The following HPCAL1 variants were observed in gnomAD, a reference collection of about 807,000 sequenced individuals.
The protein encoded by HPCAL1 is hippocalcin-like protein 1.
A neutral mutation model predicts 17.1 loss-of-function variants in HPCAL1; 8 were observed. The observed-to-expected ratio is 0.47, with a 90% confidence interval of 0.27 to 0.84. The LOEUF (loss-of-function observed/expected upper bound fraction) is 0.84. Ranked by LOEUF, HPCAL1 falls within the 40% of genes least tolerant of loss-of-function variation. The pLI is 0.13. For missense variants in HPCAL1, 165 were observed against 271.1 expected, an observed-to-expected ratio of 0.61 and a Z score of 2.75; for synonymous variants, 112 against 111.4, an observed-to-expected ratio of 1.01 and a Z score of -0.03.
At chr2:10,328,845 G>C (rs184275930) in intron 1 of HPCAL1, among the ~76,000 whole-genome samples, 1 of 151,896 alleles carries the variant, frequency 6.6e-6, no homozygotes, top group East Asian at 1.9e-4. Flanking sequence ...TTCGACATGT[G>C]GGGGGTTGCT....
rs1353255608 is a variant in HPCAL1 at position 10,362,528 on chromosome 2, G to A, written c.-110-34307G>A. Among the ~76,000 whole-genome samples, 1 of 152,216 alleles carries A rather than the reference G, an allele frequency of 6.6e-6. No homozygotes were observed. The highest frequency in any genetic ancestry group is 1.5e-5 in the Non-Finnish European group (1 of 68,038). On this transcript the variant is annotated intron_variant, in intron 1 of 4. Coordinates refer to ENST00000307845, the MANE Select transcript of HPCAL1 (RefSeq NM_002149.4). The surrounding 1 kb of genome is among the most constrained non-coding windows in gnomAD (Gnocchi z 5.0). ...GAACATGTCTGCTTCTTTCCTTCAG[G>A]AAAGGAAAGGTGAGCTGGGCGATGG... is the stretch of plus-strand genomic sequence containing the variant.
intron 1 of HPCAL1, among the ~76,000 whole-genome samples, chr2:10,389,229 T>C (rs1051445991): frequency 6.6e-6 from 1 of 152,194 alleles, no homozygotes; most frequent in East Asian, 1.9e-4. Context: ...TTCTGCATAA[T>C]CCACCCCCTA....
At position 10,357,923 on chromosome 2, in the gene HPCAL1, CT is replaced by C. The variant is rs548513372; in HGVS notation, c.-110-38908del. Among the ~76,000 whole-genome samples the C allele has an allele frequency of 1.4e-4, 22 of 152,330 alleles. No individual in the cohort carries two copies. In the South Asian group the frequency reaches 4.1e-3, roughly 29 times the overall value. On this transcript the variant is annotated intron_variant, in intron 1 of 4. Transcript: ENST00000307845. ...CCACACCTGGCCTACCCCCAGTCAC[CT>C]TTTACCCAGGGATCCCCTGAGGAAA...
chr2:10,372,095 G>A (rs1053620324), intron 1 of HPCAL1, among the ~76,000 whole-genome samples: 1 of 152,236 alleles, frequency 6.6e-6, no homozygotes, highest in African/African-American at 2.4e-5. Flanking sequence ...TACACGTTGG[G>A]TGCACAGTGA....
intron 2 of HPCAL1, among the ~76,000 whole-genome samples, chr2:10,399,549 GCCACCACTACCGCCACCGCCACCA>G (rs1306261662): frequency 4.9e-5 from 2 of 41,166 alleles, no homozygotes; most frequent in East Asian, 6.9e-4. Flanking sequence ...CACCATCACC[GCCACCACTACCGCCACCGCCACCA>G]CCACCGCCAC....
chr2:10,412,629 G>C (rs1182773057), intron 2 of HPCAL1, among the ~76,000 whole-genome samples: 1 of 152,220 alleles, frequency 6.6e-6, no homozygotes, highest in Non-Finnish European at 1.5e-5. Context: ...ATGTAGTCCG[G>C]CTGTGTGCCC....
intron 1 of HPCAL1, among the ~76,000 whole-genome samples, chr2:10,308,374 A>G (rs900429608): frequency 1.3e-5 from 2 of 152,148 alleles, no homozygotes; most frequent in African/African-American, 2.4e-5. Flanking sequence ...CCAGTTTTGG[A>G]ACATATCCAT....
At chr2:10,369,337 G>A (rs1261345736) in intron 1 of HPCAL1, 2 of 152,238 alleles carry the variant, frequency 1.3e-5, no homozygotes, top group Non-Finnish European at 2.9e-5. Context: ...CGGCCATCAT[G>A]GCTAGTTAGG....
intron 1 of HPCAL1, among the ~76,000 whole-genome samples, chr2:10,373,828 AC>A (rs1667380255): frequency 1.3e-5 from 2 of 152,236 alleles, no homozygotes; most frequent in South Asian, 4.1e-4. Context: ...GGACCTGTCC[AC>A]TTTAGCCCCA....
chr2:10,390,618 A>T (rs1668628051), intron 1 of HPCAL1, among the ~76,000 whole-genome samples: 1 of 152,130 alleles, frequency 6.6e-6, no homozygotes, highest in Non-Finnish European at 1.5e-5. Flanking sequence ...GCTATGAGCA[A>T]GCAGGAGAGG....
intron 1 of HPCAL1, among the ~76,000 whole-genome samples, chr2:10,396,573 C>A (rs74748474): frequency 2.0e-5 from 3 of 152,220 alleles, no homozygotes; most frequent in African/African-American, 4.8e-5. Flanking sequence ...CAACCTCACT[C>A]GAAGGGTGGC....
intron 1 of HPCAL1, among the ~76,000 whole-genome samples, chr2:10,360,704 G>A (rs553911564): frequency 2.0e-5 from 3 of 152,240 alleles, no homozygotes; most frequent in Admixed American, 1.3e-4. Flanking sequence ...ATGCCGCCCG[G>A]CCTTACCTGA....
Position 10,424,190 on chromosome 2 carries a change from C to T in HPCAL1, c.484+1102C>T, listed in dbSNP as rs906586016. Reference sequence around the variant, plus strand: ...TCTGCGAAGTCTGGAGTGCAGCCCTCGGGTGAGTTAAGCATGGCCCCAGCG... The same window carrying T: ...TCTGCGAAGTCTGGAGTGCAGCCCTTGGGTGAGTTAAGCATGGCCCCAGCG... On this transcript the variant is annotated intron_variant, in intron 4 of 4. Coordinates refer to ENST00000307845, the MANE Select transcript of HPCAL1 (RefSeq NM_002149.4). The T allele has an allele frequency of 3.3e-5, 10 of 304,614 alleles. No homozygotes were observed. The East Asian group carries it at 3.4e-4, about 10-fold the overall frequency. 18.9% of individuals were successfully genotyped at this position (304,614 alleles called of 1,614,324 possible).
In HPCAL1 at chr2:10,423,134, G is replaced by A. The variant is rs760937158; in HGVS notation, c.484+46G>A. On this transcript the variant is annotated intron_variant, in intron 4 of 4. Transcript: ENST00000307845. ...GGCTGCATGTGTACGCCACGGTAGGGGCAAAACCATGTGGTTTGGGGCACC... is the reference window on the plus strand; with the variant it reads ...GGCTGCATGTGTACGCCACGGTAGGAGCAAAACCATGTGGTTTGGGGCACC... The A allele has an allele frequency of 2.8e-6, 4 of 1,427,992 alleles. No individual in the cohort carries two copies. In the South Asian group the frequency reaches 3.5e-5, roughly 12 times the overall value. The allele number at this position is 1,427,992 out of a possible 1,614,324, so 88.5% of individuals were successfully genotyped here.
At chr2:10,326,135 G>A (rs1442985206) in intron 1 of HPCAL1, among the ~76,000 whole-genome samples, 1 of 152,166 alleles carries the variant, frequency 6.6e-6, no homozygotes, top group Non-Finnish European at 1.5e-5. Flanking sequence ...TGCCTGTTAG[G>A]TGCTTGGTGA....
chr2:10,314,546 C>T (rs966174476), intron 1 of HPCAL1, among the ~76,000 whole-genome samples: 13 of 152,072 alleles, frequency 8.5e-5, no homozygotes, highest in African/African-American at 3.1e-4. Flanking sequence ...AGATCGGGGG[C>T]CTTATTTAGA....
At chr2:10,305,446 C>A (rs560844448) in intron 1 of HPCAL1, among the ~76,000 whole-genome samples, 4 of 152,206 alleles carry the variant, frequency 2.6e-5, no homozygotes, top group Non-Finnish European at 5.9e-5. Context: ...AAGGGAAGGC[C>A]CGGGGGCCCT....
Position 10,338,108 on chromosome 2 carries a change from T to A in HPCAL1, c.-111+34931T>A, listed in dbSNP as rs184604474. ...GAAGACCACATATTCTATCATTCTG[T>A]GTACATGAGCGGTGCAGAATAGGCA... is the stretch of plus-strand genomic sequence containing the variant. On this transcript the variant is annotated intron_variant, in intron 1 of 4. Transcript: ENST00000307845. Among the ~76,000 whole-genome samples, 263 of 152,168 alleles carry A rather than the reference T, an allele frequency of 1.7e-3. 1 individual carries two copies. The highest frequency in any genetic ancestry group is 6.1e-3 in the African/African-American group (255 of 41,488).
At chr2:10,329,090 A>G (rs1664193298) in intron 1 of HPCAL1, among the ~76,000 whole-genome samples, 1 of 152,004 alleles carries the variant, frequency 6.6e-6, no homozygotes, top group African/African-American at 2.4e-5. Flanking sequence ...CGGCCTCCCA[A>G]AGTGCTAGGA....
Sources: gnomAD v4.1 joint callset for allele counts (sites outside exome capture counted in the v4.1 genomes callset) on GRCh38, gnomAD v4.1.1 for gene constraint, Gnocchi (gnomAD v3.1) non-coding constraint, MANE v1.5 for transcripts, NCBI Gene and HGNC (gene_info 2026-07-23, HGNC 2026-07-21) for gene names.